The following FOXN3 variants were observed in gnomAD, a reference collection of about 807,000 sequenced individuals.
FOXN3 encodes the protein forkhead box N3, also known as forkhead box protein N3.
FOXN3 carries 7 observed loss-of-function variants against 38.4 expected under a neutral mutation model. The observed-to-expected ratio is 0.18, with a 90% CI of 0.10 to 0.34. The LOEUF (loss-of-function observed/expected upper bound fraction) is 0.34, where lower values mean the gene tolerates loss of function less well. Among genes scored for constraint, FOXN3 ranks in the 10% least tolerant of loss-of-function variants. The pLI is 1.00. For synonymous variants in FOXN3, 230 were observed against 242.2 expected (o/e 0.95, Z 0.47); for missense variants, 456 against 613.4 (o/e 0.74, Z 2.71).
At chr14:89,462,346 G>A (rs1415025042) in intron 1 of FOXN3, among the ~76,000 whole-genome samples, 1 of 152,168 alleles carries the variant, frequency 6.6e-6, no homozygotes, top group African/African-American at 2.4e-5. Flanking sequence ...TCATTCCAGT[G>A]TAATTTCTTT....
At chr14:89,408,037 C>A (rs8009720) in intron 2 of FOXN3, among the ~76,000 whole-genome samples, 3,940 of 152,250 alleles carry the variant, frequency 0.026, 196 homozygotes, top group African/African-American at 0.09. Flanking sequence ...GAAGTCCTTT[C>A]AGAGATAAAA....
intron 1 of FOXN3, among the ~76,000 whole-genome samples, chr14:89,530,171 C>T (rs1040380422): frequency 3.3e-5 from 5 of 152,052 alleles, no homozygotes. Context: ...AACTCCTGAC[C>T]TCGTGATCCG....
At chr14:89,394,121 A>G (rs1008484327) in intron 2 of FOXN3, among the ~76,000 whole-genome samples, 1 of 151,310 alleles carries the variant, frequency 6.6e-6, no homozygotes, top group South Asian at 2.1e-4. Context: ...CAATCATGGC[A>G]TTTATCGATC....
At chr14:89,544,834 A>T (rs1482210191) in intron 1 of FOXN3, among the ~76,000 whole-genome samples, 1 of 152,206 alleles carries the variant, frequency 6.6e-6, no homozygotes, top group Admixed American at 6.5e-5. Context: ...GGCAAGACAG[A>T]GCGGGACAGC....
chr14:89,397,441 T>TAAAAAAAAAAAAAA (rs35139656), intron 2 of FOXN3, among the ~76,000 whole-genome samples: 1 of 120,658 alleles, frequency 8.3e-6, no homozygotes, highest in African/African-American at 3.0e-5. Context: ...AAATAAAAGT[T>TAAAAAAAAAAAAAA]AAAAAAAAAA....
intron 3 of FOXN3, among the ~76,000 whole-genome samples, chr14:89,309,037 G>A (rs1307262990): frequency 1.3e-5 from 2 of 152,166 alleles, no homozygotes; most frequent in East Asian, 3.8e-4. Flanking sequence ...GGATTTCCTT[G>A]ATGACTATAA....
intron 4 of FOXN3, among the ~76,000 whole-genome samples, chr14:89,204,056 C>CTT (rs1888309924): frequency 1.4e-3 from 10 of 7,130 alleles, no homozygotes; most frequent in African/African-American, 9.0e-3. Flanking sequence ...CTCCCTTACA[C>CTT]ACACACACAC....
intron 2 of FOXN3, among the ~76,000 whole-genome samples, chr14:89,396,578 T>C (rs932234209): frequency 2.6e-5 from 4 of 152,212 alleles, no homozygotes; most frequent in Admixed American, 6.5e-5. Context: ...CTCATGCCTG[T>C]AATCCCAGCA....
intron 2 of FOXN3, among the ~76,000 whole-genome samples, chr14:89,377,874 A>G (rs1171959495): frequency 6.6e-6 from 1 of 152,208 alleles, no homozygotes; most frequent in Non-Finnish European, 1.5e-5. Context: ...GTGACCCCTA[A>G]TCCACTATGA....
At chr14:89,311,217 C>T (rs1002385233) in intron 3 of FOXN3, among the ~76,000 whole-genome samples, 1 of 150,882 alleles carries the variant, frequency 6.6e-6, no homozygotes, top group African/African-American at 2.4e-5. Context: ...CGGGCCGGTG[C>T]GGTGGCTCAT....
At chr14:89,243,398 C>A (rs907560331) in intron 4 of FOXN3, among the ~76,000 whole-genome samples, 5 of 152,156 alleles carry the variant, frequency 3.3e-5, no homozygotes, top group Admixed American at 1.3e-4. Context: ...ATTCAGGATG[C>A]GCCTGCCCGA....
intron 2 of FOXN3, among the ~76,000 whole-genome samples, chr14:89,380,573 T>A (rs552101462): frequency 1.7e-4 from 26 of 152,188 alleles, no homozygotes; most frequent in Non-Finnish European, 3.7e-4. Flanking sequence ...ACCGTGCCCG[T>A]CTGTGCGCCC....
At chr14:89,596,416 C>T (rs752246244) in intron 1 of FOXN3, among the ~76,000 whole-genome samples, 8 of 152,152 alleles carry the variant, frequency 5.3e-5, no homozygotes, top group Non-Finnish European at 7.4e-5. Flanking sequence ...GGATTACAGG[C>T]GTGAGACACT....
chr14:89,557,429 C>A (rs1196571462), intron 1 of FOXN3, among the ~76,000 whole-genome samples: 2 of 152,088 alleles, frequency 1.3e-5, no homozygotes, highest in African/African-American at 4.8e-5. Context: ...CAGTTCAGCA[C>A]GATCCTTGAA....
intron 1 of FOXN3, among the ~76,000 whole-genome samples, chr14:89,602,747 C>T (rs1039896065): frequency 3.2e-4 from 49 of 152,242 alleles, no homozygotes; most frequent in African/African-American, 1.1e-3. Flanking sequence ...CCACCTGCCT[C>T]GGCCTCCCAA....
intron 2 of FOXN3, among the ~76,000 whole-genome samples, chr14:89,374,014 C>T (rs1301151632): frequency 1.3e-5 from 2 of 151,804 alleles, no homozygotes; most frequent in Non-Finnish European, 2.9e-5. Flanking sequence ...GCCTGTAATG[C>T]CAGCATTTTG....
chr14:89,165,555 C>T (rs1257845066), intron 5 of FOXN3, among the ~76,000 whole-genome samples: 3 of 152,224 alleles, frequency 2.0e-5, no homozygotes, highest in Admixed American at 6.5e-5. Context: ...GTGAACACAG[C>T]CCCTGAGCTT....
intron 4 of FOXN3, among the ~76,000 whole-genome samples, chr14:89,232,989 C>T (rs1221095118): frequency 2.6e-5 from 4 of 152,176 alleles, no homozygotes; most frequent in African/African-American, 9.7e-5. Flanking sequence ...ATAACCACCT[C>T]CCCTCCTTCC....
At chr14:89,557,954 C>G (rs992225859) in intron 1 of FOXN3, among the ~76,000 whole-genome samples, 18 of 152,096 alleles carry the variant, frequency 1.2e-4, no homozygotes, top group African/African-American at 4.3e-4. Flanking sequence ...TGCAGTAAGC[C>G]AAGATCATGC....
Sources: allele counts gnomAD v4.1 joint callset (sites outside exome capture counted in the v4.1 genomes callset), GRCh38; gene constraint gnomAD v4.1.1; transcripts MANE v1.5; gene names NCBI Gene and HGNC (gene_info 2026-07-23, HGNC 2026-07-21).